The following KCNH1 variants were observed in gnomAD, a reference collection of about 807,000 sequenced individuals.
KCNH1 encodes potassium voltage-gated channel subfamily H member 1, also known as voltage-gated delayed rectifier potassium channel KCNH1.
KCNH1 carries 27 observed loss-of-function variants against 69.2 expected under a neutral mutation model. The ratio of observed to expected loss-of-function variants is 0.39; its 90% CI spans 0.29 to 0.54. The LOEUF (loss-of-function observed/expected upper bound fraction) is 0.54. Among genes scored for constraint, KCNH1 ranks in the 20% least tolerant of loss-of-function variants. The pLI is 0.68. For synonymous variants in KCNH1, 456 were observed against 487.7 expected (o/e 0.93, Z 0.86); for missense variants, 798 against 1,261.6 (o/e 0.63, Z 5.57).
chr1:210,826,445 A>G (rs567047234), intron 7 of KCNH1, among the ~76,000 whole-genome samples: 1 of 152,278 alleles, frequency 6.6e-6, no homozygotes, highest in South Asian at 2.1e-4. Flanking sequence ...GAAATATGGA[A>G]CCTCAAATCA....
intron 7 of KCNH1, among the ~76,000 whole-genome samples, chr1:210,897,226 G>A (rs1686888379): frequency 6.6e-6 from 1 of 152,218 alleles, no homozygotes; most frequent in South Asian, 2.1e-4. Context: ...TGAAAAGAAG[G>A]TTGGCCACTT....
At chr1:210,964,481 C>A (rs1688360757) in intron 6 of KCNH1, among the ~76,000 whole-genome samples, 1 of 152,152 alleles carries the variant, frequency 6.6e-6, no homozygotes, top group Non-Finnish European at 1.5e-5. Flanking sequence ...CACCTCTATG[C>A]AAATAAACTA....
chr1:210,999,826 T>G (rs191322369), intron 6 of KCNH1, among the ~76,000 whole-genome samples: 6 of 152,106 alleles, frequency 3.9e-5, no homozygotes, highest in Admixed American at 1.3e-4. Flanking sequence ...ATGATCAAGT[T>G]GGCTTCATCC....
chr1:210,901,236 A>G (rs1686987996), intron 7 of KCNH1, among the ~76,000 whole-genome samples: 1 of 151,948 alleles, frequency 6.6e-6, no homozygotes, highest in East Asian at 1.9e-4. Context: ...AGTCTCACAA[A>G]TGCTCTGCCC....
intron 7 of KCNH1, among the ~76,000 whole-genome samples, chr1:210,870,767 T>C (rs568228382): frequency 2.6e-4 from 39 of 152,316 alleles, no homozygotes; most frequent in African/African-American, 9.4e-4. Context: ...TTCTTTATGA[T>C]ACTAATACAT....
chr1:210,827,895 C>G lies in KCNH1; in HGVS notation c.1463-23729G>C, dbSNP rs564660019. The stretch of plus-strand genomic sequence containing the variant: ...AGTCACTCTCACCCAGGCTAGAGTG[C>G]ACTGGCGTGATCTCGGCCGATGGCA... On this transcript the variant is annotated intron_variant, in intron 7 of 10. Coordinates refer to ENST00000271751, the MANE Select transcript of KCNH1 (RefSeq NM_172362.3). Among the ~76,000 whole-genome samples, 7 of 152,256 alleles carry G rather than the reference C, an allele frequency of 4.6e-5. No homozygotes were observed. In the South Asian group the frequency reaches 1.5e-3, roughly 32 times the overall value.
chr1:210,997,326 T>C (rs1002703362), intron 6 of KCNH1, among the ~76,000 whole-genome samples: 1 of 152,156 alleles, frequency 6.6e-6, no homozygotes, highest in African/African-American at 2.4e-5. Flanking sequence ...AAGGAGCTGA[T>C]GCAGCTGAAA....
intron 5 of KCNH1, among the ~76,000 whole-genome samples, chr1:211,082,337 A>G (rs1014940370): frequency 6.6e-6 from 1 of 152,214 alleles, no homozygotes; most frequent in African/African-American, 2.4e-5. Context: ...CTACAAAGAA[A>G]CAAGTTAAAT....
At chr1:210,712,380 G>C (rs1682099955) in intron 10 of KCNH1, among the ~76,000 whole-genome samples, 1 of 152,156 alleles carries the variant, frequency 6.6e-6, no homozygotes, top group Non-Finnish European at 1.5e-5. Context: ...CCTGGTACTT[G>C]AAATAAAAAC....
chr1:210,792,687 T>TA lies in KCNH1; in HGVS notation c.1915+4820dup, dbSNP rs74449886. ...AAATACTTGTTTGCCCCAAGAAAAT[T>TA]AAAAAAAAAAAAATCCACAAAACAG... On this transcript the variant is annotated intron_variant, in intron 9 of 10. Transcript: ENST00000271751. Among the ~76,000 whole-genome samples the TA allele has an allele frequency of 1.2e-3, 161 of 139,300 alleles. 1 individual carries two copies. Among genetic ancestry groups the TA allele is most frequent in the African/African-American group, 2.7e-3 (100 of 37,184 alleles). 91.4% of individuals were successfully genotyped at this position (139,300 alleles called of 152,430 possible). A position where few individuals can be genotyped will look rare whatever the true frequency, so the allele number is the denominator to read the frequency against.
At chr1:211,068,305 C>A (rs1690570278) in intron 5 of KCNH1, among the ~76,000 whole-genome samples, 1 of 152,242 alleles carries the variant, frequency 6.6e-6, no homozygotes, top group African/African-American at 2.4e-5. Flanking sequence ...TTCCTACCAA[C>A]TTCCAATTTC....
At chr1:210,861,936 G>A (rs992572477) in intron 7 of KCNH1, 7 of 765,414 alleles carry the variant, frequency 9.1e-6, no homozygotes, top group Non-Finnish European at 1.4e-5. Context: ...CACGTTTGGT[G>A]ATGTGATGAA....
chr1:210,814,887 G>A (rs1684781501), intron 7 of KCNH1, among the ~76,000 whole-genome samples: 1 of 152,158 alleles, frequency 6.6e-6, no homozygotes, highest in Non-Finnish European at 1.5e-5. Flanking sequence ...TTAAATAGAA[G>A]AGTTTCTGGA....
intron 5 of KCNH1, among the ~76,000 whole-genome samples, chr1:211,052,763 A>G (rs1214813967): frequency 6.6e-6 from 1 of 152,242 alleles, no homozygotes; most frequent in Non-Finnish European, 1.5e-5. Context: ...GCTCTACTAC[A>G]GCAGCACGCA....
At chr1:210,891,673 A>G (rs886488516) in intron 7 of KCNH1, among the ~76,000 whole-genome samples, 1 of 152,192 alleles carries the variant, frequency 6.6e-6, no homozygotes, top group African/African-American at 2.4e-5. Context: ...TCAAGGATCT[A>G]GAACCAAAAA....
At chr1:210,809,853 A>G (rs1287325661) in intron 7 of KCNH1, among the ~76,000 whole-genome samples, 1 of 152,178 alleles carries the variant, frequency 6.6e-6, no homozygotes, top group Non-Finnish European at 1.5e-5. Flanking sequence ...ATAACAAAGC[A>G]TGTTTAACCT....
intron 7 of KCNH1, among the ~76,000 whole-genome samples, chr1:210,813,101 T>A (rs142983890): frequency 8.5e-5 from 13 of 152,316 alleles, no homozygotes; most frequent in African/African-American, 1.7e-4. Context: ...ACATAGAGAC[T>A]CCTGATGTTA....
intron 7 of KCNH1, among the ~76,000 whole-genome samples, chr1:210,821,130 G>A (rs556390885): frequency 6.6e-6 from 1 of 152,284 alleles, no homozygotes; most frequent in South Asian, 2.1e-4. Context: ...AATCACTAGA[G>A]TGCTTTGAAC....
intron 5 of KCNH1, among the ~76,000 whole-genome samples, chr1:211,073,094 GA>G (rs1690676332): frequency 6.6e-6 from 1 of 152,168 alleles, no homozygotes; most frequent in African/African-American, 2.4e-5. Flanking sequence ...ATTTCAGACA[GA>G]GCAGACTTCA....
Sources: allele counts gnomAD v4.1 joint callset (sites outside exome capture counted in the v4.1 genomes callset), GRCh38; gene constraint gnomAD v4.1.1; transcripts MANE v1.5; gene names NCBI Gene and HGNC (gene_info 2026-07-23, HGNC 2026-07-21).